ENTPD1: variants seen among roughly 807,000 people sequenced by gnomAD.
ENTPD1 encodes the protein ATP diphosphohydrolase.
Under a neutral mutation model 57.0 loss-of-function variants are expected in ENTPD1, and 33 were observed. The ratio of observed to expected loss-of-function variants is 0.58; its 90% CI spans 0.44 to 0.77. The LOEUF is 0.77. Among genes scored for constraint, ENTPD1 ranks in the 30% least tolerant of loss-of-function variants. The probability of loss-of-function intolerance (pLI) is 0.00; values close to 1 mark genes in which losing one functional copy is unlikely to be tolerated. For missense variants in ENTPD1, 501 were observed against 603.4 expected (o/e 0.83, Z 1.78); for synonymous variants, 202 against 218.8 (o/e 0.92, Z 0.68).
chr10:95,870,195 C>A lies in ENTPD1; in HGVS notation c.*3812C>A. On this transcript the variant is annotated 3_prime_UTR_variant, in exon 10 of 10. Transcript: ENST00000371205. ...CTGTTATTCAGTCCAAGATGCATGA[C>A]AAGAGACCTTGGGAAAGTTTCATCT... is the stretch of plus-strand genomic sequence containing the variant. The A allele has an allele frequency of 1.0e-6, 1 of 985,408 alleles. No homozygotes were observed. The highest frequency in any genetic ancestry group is 1.2e-6 in the Non-Finnish European group (1 of 829,930). The allele number at this position is 985,408 out of a possible 1,614,324, so 61.0% of individuals were successfully genotyped here.
At chr10:95,859,007 A>G (rs1441523602) in intron 7 of ENTPD1, among the ~76,000 whole-genome samples, 3 of 152,154 alleles carry the variant, frequency 2.0e-5, no homozygotes, top group Non-Finnish European at 4.4e-5. Context: ...GGAGCATGGG[A>G]AAAATGGAAG....
intron 2 of ENTPD1, among the ~76,000 whole-genome samples, chr10:95,837,191 T>G (rs1225659324): frequency 6.6e-6 from 1 of 152,176 alleles, no homozygotes; most frequent in Non-Finnish European, 1.5e-5. Flanking sequence ...AAGAATGACT[T>G]TCGTATCAAC....
chr10:95,747,192 C>G (rs1409440647), intron 1 of ENTPD1, among the ~76,000 whole-genome samples: 1 of 152,148 alleles, frequency 6.6e-6, no homozygotes, highest in Admixed American at 6.5e-5. Flanking sequence ...TTACAGTCTC[C>G]TTTTAACCTT....
intron 1 of ENTPD1, among the ~76,000 whole-genome samples, chr10:95,715,568 A>G (rs1268701018): frequency 6.7e-6 from 1 of 150,052 alleles, no homozygotes; most frequent in Non-Finnish European, 1.5e-5. Flanking sequence ...GTATGTTTGG[A>G]TTTGTCTATT....
At chr10:95,796,619 A>T (rs1013524421) in intron 1 of ENTPD1, among the ~76,000 whole-genome samples, 9 of 152,188 alleles carry the variant, frequency 5.9e-5, no homozygotes, top group African/African-American at 2.2e-4. Context: ...TTTGAGGGAC[A>T]TAAAGGCATA....
intron 1 of ENTPD1, among the ~76,000 whole-genome samples, chr10:95,734,334 A>G (rs2097992298): frequency 6.6e-6 from 1 of 152,212 alleles, no homozygotes; most frequent in Non-Finnish European, 1.5e-5. Flanking sequence ...TGATATAAAG[A>G]AAATAAAGAG....
intron 7 of ENTPD1, among the ~76,000 whole-genome samples, chr10:95,851,484 G>T (rs1327372471): frequency 1.3e-5 from 2 of 151,484 alleles, no homozygotes; most frequent in Admixed American, 1.3e-4. Context: ...CAACATGCAG[G>T]TTTGTTAGAT....
Position 95,867,001 on chromosome 10 carries a change from A to G in ENTPD1, c.*618A>G. Reference sequence around the variant, plus strand: ...GTTCTCAATCCCACCCAAAGCAGGTATGTCAATAAATCACATATTCCTAGG... The same window carrying G: ...GTTCTCAATCCCACCCAAAGCAGGTGTGTCAATAAATCACATATTCCTAGG... On this transcript the variant is annotated 3_prime_UTR_variant, in exon 10 of 10. Transcript: ENST00000371205. 1 of 993,694 alleles carries G rather than the reference A, an allele frequency of 1.0e-6. No individual in the cohort carries two copies. The highest frequency in any genetic ancestry group is 1.2e-6 in the Non-Finnish European group (1 of 834,394). 61.6% of individuals were successfully genotyped at this position (993,694 alleles called of 1,614,324 possible). A position where few individuals can be genotyped will look rare whatever the true frequency, so the allele number is the denominator to read the frequency against.
chr10:95,762,541 G>A (rs953231248), intron 1 of ENTPD1, among the ~76,000 whole-genome samples: 2 of 152,234 alleles, frequency 1.3e-5, no homozygotes, highest in East Asian at 3.9e-4. Context: ...TGAAGCACAT[G>A]TATTTTCCAT....
chr10:95,712,830 C>G (rs867002724), intron 1 of ENTPD1, among the ~76,000 whole-genome samples: 1 of 152,148 alleles, frequency 6.6e-6, no homozygotes, highest in Middle Eastern at 3.4e-3. Flanking sequence ...GTCAGGAGAT[C>G]GAGACCATCC....
chr10:95,694,425 A>ATTT, the ENTPD1 span, among the ~76,000 whole-genome samples: 230 of 148,294 alleles, frequency 1.6e-3, no homozygotes, highest in Middle Eastern at 3.5e-3. Context: ...CTTTTTTAAA[A>ATTT]AAAAAAAAAA....
At chr10:95,764,023 A>G (rs4551688) in intron 1 of ENTPD1, among the ~76,000 whole-genome samples, 81,963 of 152,004 alleles carry the variant, frequency 0.54, 22,531 homozygotes, top group Admixed American at 0.63. Flanking sequence ...CATACGATTC[A>G]CCAACTTAAA....
chr10:95,725,904 TTCCC>T (rs1192500096), intron 1 of ENTPD1, among the ~76,000 whole-genome samples: 1 of 152,244 alleles, frequency 6.6e-6, no homozygotes, highest in East Asian at 1.9e-4. Context: ...CCGTGGGGTT[TTCCC>T]TGTTCACATC....
intron 1 of ENTPD1, among the ~76,000 whole-genome samples, chr10:95,808,584 G>A (rs533745109): frequency 6.6e-6 from 1 of 152,270 alleles, no homozygotes; most frequent in African/African-American, 2.4e-5. Flanking sequence ...GAGTTAGTTT[G>A]ATTATCTTAG....
chr10:95,783,817 G>A (rs955654583), intron 1 of ENTPD1, among the ~76,000 whole-genome samples: 2 of 152,124 alleles, frequency 1.3e-5, no homozygotes, highest in East Asian at 3.9e-4. Context: ...AAGTCACGTG[G>A]CAAAAAGAAT....
chr10:95,798,921 AACAGACC>A (rs1197565115), intron 1 of ENTPD1, among the ~76,000 whole-genome samples: 3 of 152,194 alleles, frequency 2.0e-5, no homozygotes, highest in Non-Finnish European at 4.4e-5. Flanking sequence ...CAAATAAGAA[AACAGACC>A]ACCTGCATGT....
At chr10:95,754,623 C>T (rs1211335523), upstream of ENTPD1, 1 of 152,140 alleles carries the variant, frequency 6.6e-6, no homozygotes. Context: ...CCCATCATAT[C>T]ACCAAAAACC....
intron 1 of ENTPD1, among the ~76,000 whole-genome samples, chr10:95,727,623 T>C (rs2097985044): frequency 6.6e-6 from 1 of 152,218 alleles, no homozygotes. Flanking sequence ...TAAGCACATG[T>C]ATTTTCTTAT....
chr10:95,831,780 A>T, intron 2 of ENTPD1, among the ~76,000 whole-genome samples: 1 of 152,220 alleles, frequency 6.6e-6, no homozygotes, highest in East Asian at 1.9e-4. Flanking sequence ...CACAGCAAGA[A>T]CTCTTTATTG....
Sources: allele counts gnomAD v4.1 joint callset (sites outside exome capture counted in the v4.1 genomes callset), GRCh38; gene constraint gnomAD v4.1.1; transcripts MANE v1.5; gene names NCBI Gene and HGNC (gene_info 2026-07-23, HGNC 2026-07-21).